ZFPM2: variants seen among roughly 807,000 people sequenced by gnomAD.
The protein encoded by ZFPM2 is zinc finger protein, FOG family member 2, also known as zinc finger protein ZFPM2.
A neutral mutation model predicts 98.6 loss-of-function variants in ZFPM2; 20 were observed. The observed-to-expected ratio is 0.20, with a 90% CI of 0.14 to 0.29. The LOEUF (loss-of-function observed/expected upper bound fraction) is 0.29, where lower values mean the gene tolerates loss of function less well. Among genes scored for constraint, ZFPM2 ranks in the 10% least tolerant of loss-of-function variants. The probability of loss-of-function intolerance (pLI) is 1.00; values close to 1 mark genes in which losing one functional copy is unlikely to be tolerated. For synonymous variants in ZFPM2, 518 were observed against 502.7 expected, an observed-to-expected ratio of 1.03 and a Z score of -0.41; for missense variants, 1,310 against 1,388.6, an observed-to-expected ratio of 0.94 and a Z score of 0.90.
intron 1 of ZFPM2, among the ~76,000 whole-genome samples, chr8:105,401,077 T>A (rs1811331640): frequency 6.6e-6 from 1 of 152,052 alleles, no homozygotes; most frequent in African/African-American, 2.4e-5. Flanking sequence ...AGGAATGTAT[T>A]ATGTAGGCAC....
Position 105,758,001 on chromosome 8 carries a change from G to A in ZFPM2, c.533-30717G>A, listed in dbSNP as rs3779780. On this transcript the variant is annotated intron_variant, in intron 5 of 7. Transcript: ENST00000407775. ...ACAATCAGGAATCACCTCATGGAAG[G>A]CATATTGGAGAGTAAAGGAATTTCC... Among the ~76,000 whole-genome samples, 33 of 152,226 alleles carry A rather than the reference G, an allele frequency of 2.2e-4. No individual in the cohort carries two copies. The East Asian group carries it at 3.3e-3, about 15-fold the overall frequency.
At chr8:105,476,025 A>G (rs971410313) in intron 3 of ZFPM2, among the ~76,000 whole-genome samples, 6 of 152,356 alleles carry the variant, frequency 3.9e-5, no homozygotes, top group East Asian at 1.9e-4. Context: ...TGAAACCTCT[A>G]TGAGACATTT....
At chr8:105,716,582 A>G (rs1811529039) in intron 5 of ZFPM2, among the ~76,000 whole-genome samples, 1 of 152,016 alleles carries the variant, frequency 6.6e-6, no homozygotes, top group South Asian at 2.1e-4. Flanking sequence ...CATGATTTGC[A>G]GGAAATTTTC....
At chr8:105,762,409 A>G (rs565453255) in intron 5 of ZFPM2, among the ~76,000 whole-genome samples, 123 of 152,050 alleles carry the variant, frequency 8.1e-4, no homozygotes, top group African/African-American at 2.9e-3. Context: ...CAATAAAGAC[A>G]GCCACCAAGG....
At chr8:105,778,664 G>T (rs1428551154) in intron 5 of ZFPM2, among the ~76,000 whole-genome samples, 1 of 152,100 alleles carries the variant, frequency 6.6e-6, no homozygotes, top group Non-Finnish European at 1.5e-5. Flanking sequence ...TTTTTCCATG[G>T]TATGTGGAGG....
chr8:105,641,094 A>G (rs894207094), intron 5 of ZFPM2, among the ~76,000 whole-genome samples: 1 of 152,048 alleles, frequency 6.6e-6, no homozygotes, highest in Non-Finnish European at 1.5e-5. Context: ...GTTATCAGGA[A>G]TACAGTGGAA....
rs552246875 is a variant in ZFPM2, at chr8:105,620,065, T to C, written c.421-14181T>C. Among the ~76,000 whole-genome samples, 23 of 152,174 alleles carry C rather than the reference T, an allele frequency of 1.5e-4. 1 individual carries two copies. The highest frequency in any genetic ancestry group is 3.2e-4 in the Non-Finnish European group (22 of 68,022). ...TATATCCAGTAATGGGATGGCTGGG[T>C]CAAATGATATTTCTAGTTCTAGATC... On this transcript the variant is annotated intron_variant, in intron 4 of 7. Coordinates refer to ENST00000407775, the MANE Select transcript of ZFPM2 (RefSeq NM_012082.4).
At chr8:105,799,146 T>C in intron 7 of ZFPM2, among the ~76,000 whole-genome samples, 198 bp downstream of exon 7, 1 of 152,242 alleles carries the variant, frequency 6.6e-6, no homozygotes, top group East Asian at 1.9e-4. Context: ...GGGTCTGAAT[T>C]CTTTTCTTAC....
chr8:105,641,252 C>T (rs35818583), intron 5 of ZFPM2, among the ~76,000 whole-genome samples: 16,577 of 151,940 alleles, frequency 0.11, 1,081 homozygotes, highest in South Asian at 0.22. Context: ...TAAAATACTA[C>T]GGAGATCAAC....
At chr8:105,472,473 A>T (rs1812922830) in intron 3 of ZFPM2, among the ~76,000 whole-genome samples, 1 of 152,108 alleles carries the variant, frequency 6.6e-6, no homozygotes, top group Admixed American at 6.5e-5. Context: ...CTGACCTCTG[A>T]CTTCTGAACA....
intron 3 of ZFPM2, among the ~76,000 whole-genome samples, chr8:105,498,881 A>G (rs1586417580): frequency 6.6e-6 from 1 of 152,292 alleles, no homozygotes; most frequent in South Asian, 2.1e-4. Context: ...TGGCCAGCCT[A>G]CTAATATCTG....
intron 5 of ZFPM2, among the ~76,000 whole-genome samples, chr8:105,692,904 A>G (rs1810921562): frequency 6.6e-6 from 1 of 152,230 alleles, no homozygotes; most frequent in Admixed American, 6.5e-5. Flanking sequence ...ATAGAAAGCT[A>G]GAAATTCTTT....
intron 5 of ZFPM2, among the ~76,000 whole-genome samples, chr8:105,680,439 A>T (rs542533499): frequency 1.8e-4 from 28 of 152,164 alleles, no homozygotes; most frequent in Admixed American, 5.2e-4. Flanking sequence ...ATAAATTATG[A>T]TTTATAATGA....
At chr8:105,783,878 C>T (rs1204926559) in intron 5 of ZFPM2, among the ~76,000 whole-genome samples, 1 of 152,028 alleles carries the variant, frequency 6.6e-6, no homozygotes, top group Non-Finnish European at 1.5e-5. Context: ...TGAGATTCTG[C>T]TTTCCTTTCT....
Position 105,561,103 on chromosome 8 carries a change from TAACTA to T in ZFPM2, c.302-257_302-253del, listed in dbSNP as rs1487715722. ...TTACTGTTTCTGGTTCTTAAAGACT[TAACTA>T]AAAAGAATTGGCTTCAGTAGATGAT... On this transcript the variant is annotated intron_variant, in intron 3 of 7. Transcript: ENST00000407775. Among the ~76,000 whole-genome samples the T allele has an allele frequency of 2.0e-5, 3 of 152,272 alleles. No homozygotes were observed. In the South Asian group the frequency reaches 6.2e-4, roughly 32 times the overall value.
chr8:105,364,584 T>A (rs1655158255), intron 1 of ZFPM2, among the ~76,000 whole-genome samples: 1 of 151,912 alleles, frequency 6.6e-6, no homozygotes, highest in South Asian at 2.1e-4. Flanking sequence ...ACCTCCAAAC[T>A]TTTTTATAAT....
intron 3 of ZFPM2, among the ~76,000 whole-genome samples, chr8:105,514,862 C>T (rs1463243124): frequency 6.6e-6 from 1 of 152,186 alleles, no homozygotes; most frequent in Non-Finnish European, 1.5e-5. Context: ...ACGCAGTGAA[C>T]TTAATATCGA....
chr8:105,355,513 A>T (rs1339352251), intron 1 of ZFPM2, among the ~76,000 whole-genome samples: 1 of 152,254 alleles, frequency 6.6e-6, no homozygotes, highest in Non-Finnish European at 1.5e-5. Flanking sequence ...AACATTTTAC[A>T]GTAATAATTC....
intron 3 of ZFPM2, among the ~76,000 whole-genome samples, chr8:105,547,319 G>T (rs1317103594): frequency 6.6e-6 from 1 of 151,824 alleles, no homozygotes; most frequent in Non-Finnish European, 1.5e-5. Flanking sequence ...GAGGCGGGTG[G>T]ATCACCTGAG....
Sources: gnomAD v4.1 joint callset for allele counts (sites outside exome capture counted in the v4.1 genomes callset) on GRCh38, gnomAD v4.1.1 for gene constraint, MANE v1.5 for transcripts, NCBI Gene and HGNC (gene_info 2026-07-23, HGNC 2026-07-21) for gene names.